S100PBP: variants seen among roughly 807,000 people sequenced by gnomAD.
S100PBP encodes the protein S100P-binding protein.
S100PBP carries 15 observed loss-of-function variants against 39.9 expected under a neutral mutation model. The ratio of observed to expected loss-of-function variants is 0.38; its 90% CI spans 0.25 to 0.58. S100PBP has a LOEUF of 0.58. S100PBP is among the 20% of genes least tolerant of loss of function. The probability of loss-of-function intolerance (pLI) is 0.70; values close to 1 mark genes in which losing one functional copy is unlikely to be tolerated. For synonymous variants in S100PBP, 178 were observed against 180.3 expected (o/e 0.99, Z 0.10); for missense variants, 504 against 487.3 (o/e 1.03, Z -0.32).
intron 5 of S100PBP, among the ~76,000 whole-genome samples, chr1:32,840,043 G>A (rs369694258): frequency 1.1e-4 from 16 of 152,190 alleles, no homozygotes; most frequent in East Asian, 5.8e-4. Context: ...GGAGTGCAGC[G>A]GTGCAATCTC....
chr1:32,846,436 A>T (rs2148683658), intron 5 of S100PBP, among the ~76,000 whole-genome samples: 1 of 151,734 alleles, frequency 6.6e-6, no homozygotes, highest in African/African-American at 2.4e-5. Context: ...GTACAATCCC[A>T]TATGGCTGGA....
At chr1:32,816,584 T>C (rs1454702998), upstream of S100PBP, among the ~76,000 whole-genome samples, 1 of 152,162 alleles carries the variant, frequency 6.6e-6, no homozygotes, top group Non-Finnish European at 1.5e-5. Flanking sequence ...CCAGCTAAAT[T>C]TGCCACAATT....
intron 1 of S100PBP, among the ~76,000 whole-genome samples, chr1:32,824,290 A>T (rs577536856): frequency 5.9e-5 from 9 of 151,864 alleles, no homozygotes; most frequent in Admixed American, 6.6e-5. Flanking sequence ...GAAATTTTAT[A>T]GTTAACAAGG....
chr1:32,843,791 T>C (rs911574594), intron 5 of S100PBP, among the ~76,000 whole-genome samples: 5 of 152,056 alleles, frequency 3.3e-5, no homozygotes, highest in African/African-American at 1.2e-4. Flanking sequence ...GGTTTCACCA[T>C]GTTAGCCAGG....
intron 5 of S100PBP, among the ~76,000 whole-genome samples, chr1:32,840,513 C>T (rs552451551): frequency 1.1e-4 from 17 of 150,534 alleles, no homozygotes; most frequent in East Asian, 4.1e-4. Flanking sequence ...CCCGCCACCA[C>T]GCCTGGCTAA....
At chr1:32,817,097 C>G, upstream of S100PBP, 2 of 1,532,944 alleles carry the variant, frequency 1.3e-6, no homozygotes, top group South Asian at 2.2e-5. Flanking sequence ...GTCCCCGGCC[C>G]CACATACTTA....
At chr1:32,848,482 T>C (rs990998800) in intron 5 of S100PBP, among the ~76,000 whole-genome samples, 3 of 152,172 alleles carry the variant, frequency 2.0e-5, no homozygotes, top group Admixed American at 2.0e-4. Flanking sequence ...AAAGCTCACA[T>C]TGACATTTCA....
At chr1:32,838,349 A>AC (rs1553131420) in intron 5 of S100PBP, among the ~76,000 whole-genome samples, 1 of 151,102 alleles carries the variant, frequency 6.6e-6, no homozygotes, top group Non-Finnish European at 1.5e-5. Flanking sequence ...AAAAAAAAAA[A>AC]AAAAGAAAAG....
chr1:32,817,452 G>T, upstream of S100PBP: 1 of 644,514 alleles, frequency 1.6e-6, no homozygotes, highest in South Asian at 1.8e-5. Flanking sequence ...GATGAGACGG[G>T]AAAAGGTGGA....
chr1:32,842,630 T>C (rs188359193), intron 5 of S100PBP, among the ~76,000 whole-genome samples: 63 of 152,294 alleles, frequency 4.1e-4, no homozygotes, highest in Admixed American at 2.7e-3. Flanking sequence ...AGTCTCACTC[T>C]GTTGCCTAGG....
intron 5 of S100PBP, among the ~76,000 whole-genome samples, chr1:32,844,443 T>C (rs1201325338): frequency 1.3e-5 from 2 of 152,110 alleles, no homozygotes; most frequent in Non-Finnish European, 2.9e-5. Flanking sequence ...GGAGGATCAC[T>C]TGTGCCTAGC....
intron 5 of S100PBP, among the ~76,000 whole-genome samples, chr1:32,837,430 G>A (rs1237688596): frequency 2.1e-5 from 3 of 143,876 alleles, no homozygotes; most frequent in African/African-American, 2.5e-5. Flanking sequence ...TATAGGCACC[G>A]GCCACCTGCC....
intron 5 of S100PBP, among the ~76,000 whole-genome samples, chr1:32,841,307 C>G (rs1047046304): frequency 6.6e-6 from 1 of 151,988 alleles, no homozygotes; most frequent in Admixed American, 6.6e-5. Context: ...TCTTTTCATT[C>G]CCATAAGTGT....
chr1:32,854,721 C>G (rs954991405), intron 6 of S100PBP, among the ~76,000 whole-genome samples: 1 of 152,212 alleles, frequency 6.6e-6, no homozygotes, highest in African/African-American at 2.4e-5. Context: ...TTCCCATTCT[C>G]GTAATCCCCT....
upstream of S100PBP, chr1:32,817,120 G>A (rs1156488393): frequency 3.8e-6 from 6 of 1,596,954 alleles, no homozygotes; most frequent in Non-Finnish European, 5.2e-6. Context: ...ACCCCGTAAT[G>A]GGGCTCAAAA....
chr1:32,817,265 C>T (rs913126364), upstream of S100PBP: 2 of 1,613,570 alleles, frequency 1.2e-6, no homozygotes, highest in African/African-American at 1.3e-5. Flanking sequence ...CCCCTGCTTC[C>T]CCCGCTCAGC....
intron 5 of S100PBP, among the ~76,000 whole-genome samples, chr1:32,847,153 C>T (rs1055079670): frequency 5.9e-5 from 9 of 152,144 alleles, no homozygotes; most frequent in Non-Finnish European, 8.8e-5. Context: ...CACATACTTA[C>T]ATTTCCAGTG....
Position 32,839,248 on chromosome 1 carries a change from G to A in S100PBP, c.1024+9181G>A, listed in dbSNP as rs143330660. Reference sequence around the variant, plus strand: ...CAGACAAAGTGGTATTTGTCTTTTCGTGACTGGCTTATTTCACTTAGCACA... The same window carrying A: ...CAGACAAAGTGGTATTTGTCTTTTCATGACTGGCTTATTTCACTTAGCACA... On this transcript the variant is annotated intron_variant, in intron 5 of 6. Coordinates refer to ENST00000373475, the MANE Select transcript of S100PBP (RefSeq NM_022753.4). Among the ~76,000 whole-genome samples the A allele has an allele frequency of 3.7e-4, 56 of 152,170 alleles. No homozygotes were observed. In the East Asian group the frequency reaches 8.5e-3, roughly 23 times the overall value.
intron 1 of S100PBP, among the ~76,000 whole-genome samples, chr1:32,821,432 CT>C (rs1639056446): frequency 6.6e-6 from 1 of 151,870 alleles, no homozygotes; most frequent in Non-Finnish European, 1.5e-5. Flanking sequence ...AACAGTTCCC[CT>C]GCCTCAGCCT....
Sources: gnomAD v4.1 joint callset for allele counts (sites outside exome capture counted in the v4.1 genomes callset) on GRCh38, gnomAD v4.1.1 for gene constraint, MANE v1.5 for transcripts, NCBI Gene and HGNC (gene_info 2026-07-23, HGNC 2026-07-21) for gene names.